The following DSCAM variants were observed in gnomAD, a reference collection of about 807,000 sequenced individuals.
DSCAM encodes the protein cell adhesion molecule DSCAM.
In DSCAM, 47 loss-of-function variants were observed where a neutral mutation model predicts 217.7. That is an observed-to-expected ratio of 0.22 (90% CI 0.17 to 0.28). The LOEUF (loss-of-function observed/expected upper bound fraction) is 0.28. Ranked by LOEUF, DSCAM falls within the 10% of genes least tolerant of loss-of-function variation. The pLI, the probability that DSCAM is intolerant of heterozygous loss-of-function variation, is 1.00. For synonymous variants in DSCAM, 1,056 were observed against 1,015.3 expected, an observed-to-expected ratio of 1.04 and a Z score of -0.76; for missense variants, 2,080 against 2,618.3, an observed-to-expected ratio of 0.79 and a Z score of 4.49.
chr21:40,079,932 CTTCTTT>C (rs2089429900), intron 25 of DSCAM, among the ~76,000 whole-genome samples: 1 of 152,062 alleles, frequency 6.6e-6, no homozygotes, highest in Admixed American at 6.5e-5. Flanking sequence ...AACTGACATT[CTTCTTT>C]TTAACTGCAA....
At chr21:40,616,973 C>T (rs1360858068) in intron 3 of DSCAM, among the ~76,000 whole-genome samples, 1 of 139,504 alleles carries the variant, frequency 7.2e-6, no homozygotes, top group African/African-American at 2.7e-5. Context: ...GCCGAGATCC[C>T]GCCACTGCAC....
chr21:40,259,943 G>A (rs972303066), intron 11 of DSCAM, among the ~76,000 whole-genome samples: 1 of 151,914 alleles, frequency 6.6e-6, no homozygotes, highest in Non-Finnish European at 1.5e-5. Context: ...TAGCCAGGAT[G>A]GTCTCAATCT....
chr21:40,385,189 T>C (rs1378179710), intron 3 of DSCAM: 4 of 152,216 alleles, frequency 2.6e-5, no homozygotes, highest in African/African-American at 9.6e-5. Flanking sequence ...TATTTTACTA[T>C]TTCTCATGGA....
rs555592119 is a variant in DSCAM at position 40,233,921 on chromosome 21, G to T, written c.2356+42176C>A. On this transcript the variant is annotated intron_variant, in intron 11 of 32. Transcript: ENST00000400454. ...TCAACATCTGACAGCCTCAGGTAAG[G>T]TCTGCACACTCCTTCCTGCCTCGCT... is the stretch of plus-strand genomic sequence containing the variant. Among the ~76,000 whole-genome samples, 7 of 152,222 alleles carry T rather than the reference G, an allele frequency of 4.6e-5. No individual in the cohort carries two copies. The East Asian group carries it at 9.7e-4, about 21-fold the overall frequency.
In DSCAM at chr21:40,215,092, G is replaced by A. The variant is rs1347434319; in HGVS notation, c.2357-25854C>T. On this transcript the variant is annotated intron_variant, in intron 11 of 32. Transcript: ENST00000400454. ...AAATTAGCCGGGCGCGGTGGCGGGC[G>A]CCTGTAGTCCCAGCTACTCGGGAGG... Among the ~76,000 whole-genome samples, 2 of 89,808 alleles carry A rather than the reference G, an allele frequency of 2.2e-5. 1 individual carries two copies. Among genetic ancestry groups the A allele is most frequent in the Non-Finnish European group, 4.8e-5 (2 of 41,260 alleles). The allele number at this position is 89,808 out of a possible 152,430, so 58.9% of individuals were successfully genotyped here. A position where few individuals can be genotyped will look rare whatever the true frequency, so the allele number is the denominator to read the frequency against.
chr21:40,504,092 C>T (rs2076191520), intron 3 of DSCAM, among the ~76,000 whole-genome samples: 1 of 152,104 alleles, frequency 6.6e-6, no homozygotes, highest in African/African-American at 2.4e-5. Context: ...CACCGTGACT[C>T]ACTGTTCTAT....
At chr21:40,381,032 C>T (rs560936765) in intron 3 of DSCAM, among the ~76,000 whole-genome samples, 90 of 131,376 alleles carry the variant, frequency 6.9e-4, no homozygotes, top group Middle Eastern at 4.7e-3. Flanking sequence ...CACTGCACTC[C>T]AGCCTGGGCG....
chr21:40,548,513 A>T (rs72613624), intron 3 of DSCAM, among the ~76,000 whole-genome samples: 64,018 of 150,220 alleles, frequency 0.43, 13,931 homozygotes, highest in East Asian at 0.61. Flanking sequence ...TAAAAAAAAA[A>T]ATATATATAT....
intron 11 of DSCAM, among the ~76,000 whole-genome samples, chr21:40,194,178 G>T (rs532101070): frequency 2.0e-5 from 3 of 152,164 alleles, no homozygotes; most frequent in African/African-American, 7.2e-5. Flanking sequence ...TTGAAAGAGT[G>T]CCCTACTAAA....
intron 11 of DSCAM, among the ~76,000 whole-genome samples, chr21:40,223,026 C>T (rs1474968366): frequency 1.3e-5 from 2 of 152,216 alleles, no homozygotes; most frequent in Non-Finnish European, 2.9e-5. Flanking sequence ...CCCATGACCA[C>T]GCTCCCCTCC....
At chr21:40,756,634 C>T (rs761145758) in intron 1 of DSCAM, among the ~76,000 whole-genome samples, 2 of 152,090 alleles carry the variant, frequency 1.3e-5, no homozygotes, top group Non-Finnish European at 2.9e-5. Context: ...TCAAGTGATC[C>T]ACCCATCTCG....
intron 11 of DSCAM, among the ~76,000 whole-genome samples, chr21:40,236,234 G>A (rs943170966): frequency 6.6e-6 from 1 of 152,180 alleles, no homozygotes; most frequent in Non-Finnish European, 1.5e-5. Context: ...GCCAAGCACT[G>A]AGCCCAGGGT....
chr21:40,605,857 G>A (rs1341600818), intron 3 of DSCAM, among the ~76,000 whole-genome samples: 1 of 126,368 alleles, frequency 7.9e-6, no homozygotes, highest in Non-Finnish European at 1.6e-5. Flanking sequence ...CTGGAATGCA[G>A]TGGTGCAGTC....
chr21:40,755,275 G>A (rs1421428296), intron 1 of DSCAM, among the ~76,000 whole-genome samples: 6 of 152,022 alleles, frequency 3.9e-5, no homozygotes, highest in African/African-American at 1.4e-4. Flanking sequence ...GTGAAACACT[G>A]TCTCTACTAA....
At chr21:40,807,301 C>T (rs1291096346) in intron 1 of DSCAM, among the ~76,000 whole-genome samples, 1 of 151,980 alleles carries the variant, frequency 6.6e-6, no homozygotes, top group Admixed American at 6.6e-5. Context: ...ACTTGGGATC[C>T]ACACATGGCT....
At chr21:40,384,348 C>T (rs1189263141) in intron 3 of DSCAM, among the ~76,000 whole-genome samples, 1 of 152,128 alleles carries the variant, frequency 6.6e-6, no homozygotes, top group African/African-American at 2.4e-5. Context: ...TGGCTCACAG[C>T]TGTAATCCCA....
chr21:40,454,151 C>CT (rs1466735477), intron 3 of DSCAM, among the ~76,000 whole-genome samples: 1 of 152,314 alleles, frequency 6.6e-6, no homozygotes. Flanking sequence ...GCAATTTTCT[C>CT]TTTTTTCTAA....
chr21:40,348,097 C>A, intron 5 of DSCAM, 152 bp from the exon 6 acceptor site: 1 of 600,538 alleles, frequency 1.7e-6, no homozygotes, highest in South Asian at 2.0e-5. Context: ...ATACTCCACA[C>A]AGTTCCCATC....
At chr21:40,577,040 G>A (rs1292928592) in intron 3 of DSCAM, among the ~76,000 whole-genome samples, 1 of 150,942 alleles carries the variant, frequency 6.6e-6, no homozygotes, top group African/African-American at 2.4e-5. Context: ...GGGCACGAGA[G>A]GGTATCTTAG....
Sources: gnomAD v4.1 joint callset for allele counts (sites outside exome capture counted in the v4.1 genomes callset) on GRCh38, gnomAD v4.1.1 for gene constraint, MANE v1.5 for transcripts, NCBI Gene and HGNC (gene_info 2026-07-23, HGNC 2026-07-21) for gene names.